The following LAMP3 variants were observed in gnomAD, a reference collection of about 807,000 sequenced individuals.
LAMP3 encodes the protein lysosome associated membrane protein 3.
In LAMP3, 26 loss-of-function variants were observed where a neutral mutation model predicts 34.8. The ratio of observed to expected loss-of-function variants is 0.75; its 90% CI spans 0.55 to 1.04. LAMP3 has a LOEUF of 1.04. LAMP3 is among the 50% of genes least tolerant of loss of function. LAMP3 has a pLI of 0.00. For synonymous variants in LAMP3, 180 were observed against 201.9 expected (o/e 0.89, Z 0.92); for missense variants, 495 against 524.0 (o/e 0.94, Z 0.54).
intron 3 of LAMP3, among the ~76,000 whole-genome samples, chr3:183,148,675 A>C (rs1720519482): frequency 6.6e-6 from 1 of 152,246 alleles, no homozygotes; most frequent in Admixed American, 6.5e-5. Flanking sequence ...AATGGCTCTT[A>C]TCCAAAAGAT....
chr3:183,137,147 G>T (rs1039085591), intron 4 of LAMP3, among the ~76,000 whole-genome samples: 1 of 151,898 alleles, frequency 6.6e-6, no homozygotes, highest in African/African-American at 2.4e-5. Context: ...GTGAAACCCT[G>T]CCTCTACTAA....
In LAMP3 at chr3:183,123,949, T is replaced by A. The variant is rs1475947516; in HGVS notation, c.*132A>T. On this transcript the variant is annotated 3_prime_UTR_variant, in exon 6 of 6. Transcript: ENST00000265598. ...TGAACTTAAATCACACATGACTCAC[T>A]TCATTTGAATAGAAGATGGTGGTTT... 7.8e-5 allele frequency: 71 copies of A among 913,958 alleles called. No individual in the cohort carries two copies. The East Asian group carries it at 1.8e-3, about 24-fold the overall frequency. The allele number at this position is 913,958 out of a possible 1,614,324, so 56.6% of individuals were successfully genotyped here. A position where few individuals can be genotyped will look rare whatever the true frequency, so the allele number is the denominator to read the frequency against.
At chr3:183,158,349 C>T (rs1337989732) in intron 1 of LAMP3, among the ~76,000 whole-genome samples, 1 of 152,144 alleles carries the variant, frequency 6.6e-6, no homozygotes, top group Non-Finnish European at 1.5e-5. Context: ...GTCAAGGTCA[C>T]AGGTTTGTCT....
intron 5 of LAMP3, among the ~76,000 whole-genome samples, chr3:183,134,145 TAAG>T (rs1191046448): frequency 6.6e-6 from 1 of 152,168 alleles, no homozygotes; most frequent in Non-Finnish European, 1.5e-5. Flanking sequence ...GTGCAAAGAC[TAAG>T]AAGATGGCGT....
chr3:183,126,298 A>G (rs1719777791), intron 5 of LAMP3, among the ~76,000 whole-genome samples: 1 of 152,098 alleles, frequency 6.6e-6, no homozygotes, highest in South Asian at 2.1e-4. Flanking sequence ...ACCCAAACCC[A>G]TGTGCTTGTG....
chr3:183,122,796 C>T lies in LAMP3; in HGVS notation c.*1285G>A, dbSNP rs916696869. On this transcript the variant is annotated 3_prime_UTR_variant, in exon 6 of 6. Coordinates refer to ENST00000265598, the MANE Select transcript of LAMP3 (RefSeq NM_014398.4). ...AATGTCTCATGATCCTGGATAAACC[C>T]ATTTCCCTGTAAGGTGAGCGTATGC... 6.6e-6 allele frequency: 1 copy of T among 152,188 alleles called. No individual in the cohort carries two copies. The highest frequency in any genetic ancestry group is 2.4e-5 in the African/African-American group (1 of 41,432). The allele number at this position is 152,188 out of a possible 1,614,324, so 9.4% of individuals were successfully genotyped here.
At chr3:183,148,395 G>A (rs1039875685) in intron 3 of LAMP3, among the ~76,000 whole-genome samples, 2 of 152,164 alleles carry the variant, frequency 1.3e-5, no homozygotes. Context: ...CACAGAATGA[G>A]AGAAAACGTT....
chr3:183,130,119 T>C (rs1190447752), intron 5 of LAMP3, among the ~76,000 whole-genome samples: 1 of 151,222 alleles, frequency 6.6e-6, no homozygotes, highest in African/African-American at 2.4e-5. Context: ...GGTATGTTAC[T>C]AAGACAGTCT....
In LAMP3 at chr3:183,151,366, C is replaced by A. The variant is rs115388199; in HGVS notation, c.888+1009G>T. Among the ~76,000 whole-genome samples, 849 of 152,092 alleles carry A rather than the reference C, an allele frequency of 5.6e-3. 14 individuals carry two copies. Among genetic ancestry groups the A allele is most frequent in the African/African-American group, 0.019 (805 of 41,446 alleles). On this transcript the variant is annotated intron_variant, in intron 3 of 5. Coordinates refer to ENST00000265598, the MANE Select transcript of LAMP3 (RefSeq NM_014398.4). ...GCAAGACATTTGCCTGTTTCAATCA[C>A]TGCAATTGCAGCTGCTGGCTCTTGA...
In LAMP3 at chr3:183,132,393, T is replaced by G. The variant is rs1208384380; in HGVS notation, c.1117+3324A>C. 16 of 972,384 alleles carry G rather than the reference T, an allele frequency of 1.6e-5. No homozygotes were observed. In the Admixed American group the frequency reaches 2.5e-4, roughly 15 times the overall value. The allele number at this position is 972,384 out of a possible 1,614,324, so 60.2% of individuals were successfully genotyped here. On this transcript the variant is annotated intron_variant, in intron 5 of 5. Coordinates refer to ENST00000265598, the MANE Select transcript of LAMP3 (RefSeq NM_014398.4). ...GTAATCAACTTTGAAATGCATTGGT[T>G]TTTTTAAAGTAATGTTTTTAAAAAC...
chr3:183,146,709 G>A (rs4543037), intron 3 of LAMP3, among the ~76,000 whole-genome samples: 97,102 of 150,824 alleles, frequency 0.64, 31,794 homozygotes, highest in Non-Finnish European at 0.71. Flanking sequence ...TGTATTTTTA[G>A]TAGAGACAGG....
intron 2 of LAMP3, among the ~76,000 whole-genome samples, chr3:183,153,238 C>A (rs570865957): frequency 1.3e-5 from 2 of 150,240 alleles, no homozygotes; most frequent in South Asian, 2.1e-4. Flanking sequence ...ATCAAATAAT[C>A]GCAATCCCTC....
intron 5 of LAMP3, among the ~76,000 whole-genome samples, chr3:183,131,744 G>C: frequency 6.6e-6 from 1 of 152,038 alleles, no homozygotes; most frequent in East Asian, 1.9e-4. Context: ...ATAATGAATG[G>C]CACCTCTGGA....
At chr3:183,148,638 A>G (rs773502498) in intron 3 of LAMP3, among the ~76,000 whole-genome samples, 3 of 152,216 alleles carry the variant, frequency 2.0e-5, no homozygotes, top group Non-Finnish European at 4.4e-5. Flanking sequence ...TCAAAACTAC[A>G]ATGAGATGTC....
chr3:183,131,978 G>C (rs762891833), intron 5 of LAMP3: 1 of 985,168 alleles, frequency 1.0e-6, no homozygotes, highest in African/African-American at 1.7e-5. Flanking sequence ...GATCCTCCAG[G>C]CAGGTCTACC....
intron 1 of LAMP3, among the ~76,000 whole-genome samples, chr3:183,160,353 G>A (rs752294163): frequency 3.3e-5 from 5 of 152,202 alleles, no homozygotes; most frequent in Admixed American, 6.5e-5. Flanking sequence ...GCAGGATCAT[G>A]TAGCACAGTA....
intron 4 of LAMP3, among the ~76,000 whole-genome samples, chr3:183,139,247 A>C (rs905352670): frequency 3.3e-5 from 5 of 152,052 alleles, no homozygotes; most frequent in African/African-American, 1.2e-4. Flanking sequence ...AAAATTAGCC[A>C]GGCGTGGTGA....
intron 3 of LAMP3, among the ~76,000 whole-genome samples, chr3:183,141,675 G>C (rs1720288606): frequency 1.3e-5 from 2 of 152,100 alleles, no homozygotes; most frequent in Non-Finnish European, 2.9e-5. Context: ...ACAATCAAAG[G>C]GTTCCATAAA....
At chr3:183,134,392 G>A (rs112214760) in intron 5 of LAMP3, among the ~76,000 whole-genome samples, 133 of 152,240 alleles carry the variant, frequency 8.7e-4, no homozygotes, top group African/African-American at 2.7e-3. Flanking sequence ...CTGCTGAAAC[G>A]TTTTATTTCC....
Sources: allele counts gnomAD v4.1 joint callset (sites outside exome capture counted in the v4.1 genomes callset), GRCh38; gene constraint gnomAD v4.1.1; transcripts MANE v1.5; gene names NCBI Gene and HGNC (gene_info 2026-07-23, HGNC 2026-07-21).